Variants in SGK3 observed in about 807,000 individuals in gnomAD.
SGK3 encodes the protein serum/glucocorticoid regulated kinase family member 3.
In SGK3, 47 loss-of-function variants were observed where a neutral mutation model predicts 68.5. That is an observed-to-expected ratio of 0.69 (90% CI 0.54 to 0.87). SGK3 has a LOEUF of 0.87. SGK3 is among the 40% of genes least tolerant of loss of function. The pLI is 0.00. For missense variants in SGK3, 479 were observed against 575.5 expected (o/e 0.83, Z 1.72); for synonymous variants, 181 against 189.1 (o/e 0.96, Z 0.35).
intron 2 of SGK3, 70 bp from the exon 3 acceptor site, chr8:66,798,472 T>A: frequency 7.3e-7 from 1 of 1,372,604 alleles, no homozygotes; most frequent in African/African-American, 1.5e-5. Flanking sequence ...ACAGGTTTCA[T>A]GTATTTAAGT....
In SGK3 at chr8:66,793,175, C is replaced by T. The variant is rs916217665; in HGVS notation, c.-121-441C>T. ...GAGTCAGATGGCCTGGGTTCAAATCCGGGATGTACGAATTATTTCACCTCT... is the reference window on the plus strand; with the variant it reads ...GAGTCAGATGGCCTGGGTTCAAATCTGGGATGTACGAATTATTTCACCTCT... On this transcript the variant is annotated intron_variant, in intron 1 of 16. Coordinates refer to ENST00000521198, the MANE Select transcript of SGK3 (RefSeq NM_001033578.3). Among the ~76,000 whole-genome samples the T allele has an allele frequency of 7.2e-5, 11 of 152,096 alleles. No individual in the cohort carries two copies. The East Asian group carries it at 2.1e-3, about 29-fold the overall frequency.
chr8:66,858,363 G>A (rs1810610942), intron 16 of SGK3, among the ~76,000 whole-genome samples: 1 of 152,020 alleles, frequency 6.6e-6, no homozygotes, highest in Non-Finnish European at 1.5e-5. Context: ...CTACTCGGGA[G>A]GCTGAGGCAG....
In SGK3 at chr8:66,860,981, G is replaced by C. The variant is rs1810728781; in HGVS notation, c.*1400G>C. On this transcript the variant is annotated 3_prime_UTR_variant, in exon 17 of 17. Coordinates refer to ENST00000521198, the MANE Select transcript of SGK3 (RefSeq NM_001033578.3). ...CTACAAAAAATACAAAAATTAGCCA[G>C]ACATGGTGGCACATGCCTTTAGTCC... The C allele has an allele frequency of 6.6e-6, 1 of 152,086 alleles. No homozygotes were observed. Among genetic ancestry groups the C allele is most frequent in the African/African-American group, 2.4e-5 (1 of 41,412 alleles). 9.4% of individuals were successfully genotyped at this position (152,086 alleles called of 1,614,324 possible).
intron 1 of SGK3, among the ~76,000 whole-genome samples, chr8:66,784,813 A>AT (rs1275012207): frequency 1.3e-5 from 2 of 152,076 alleles, no homozygotes; most frequent in Non-Finnish European, 2.9e-5. Context: ...CCATATTGCT[A>AT]TTTTTTTACA....
intron 1 of SGK3, among the ~76,000 whole-genome samples, chr8:66,788,674 C>G (rs116194488): frequency 1.5e-3 from 236 of 152,282 alleles, no homozygotes; most frequent in African/African-American, 5.5e-3. Flanking sequence ...TTTGTTTTAC[C>G]TCTTTCTCAG....
chr8:66,776,590 C>T (rs753378721), intron 1 of SGK3, among the ~76,000 whole-genome samples: 1 of 152,188 alleles, frequency 6.6e-6, no homozygotes, highest in Non-Finnish European at 1.5e-5. Flanking sequence ...CAATAAATGG[C>T]AGAGCTTAGG....
At chr8:66,843,804 T>C (rs1294932175) in intron 14 of SGK3, among the ~76,000 whole-genome samples, 1 of 152,056 alleles carries the variant, frequency 6.6e-6, no homozygotes, top group Non-Finnish European at 1.5e-5. Flanking sequence ...GACCAGCCTA[T>C]GCAACGTGGC....
intron 1 of SGK3, among the ~76,000 whole-genome samples, chr8:66,743,259 A>G (rs1805534443): frequency 6.6e-6 from 1 of 152,234 alleles, no homozygotes; most frequent in Non-Finnish European, 1.5e-5. Context: ...AAGAGATAAT[A>G]TTGTTTCATG....
chr8:66,796,302 A>AATTTTTTGT (rs1563632170), intron 2 of SGK3, among the ~76,000 whole-genome samples: 1 of 112,854 alleles, frequency 8.9e-6, no homozygotes, highest in Non-Finnish European at 1.9e-5. Flanking sequence ...ACGCCCAGCT[A>AATTTTTTGT]ATTTTTTGTA....
rs560794837 is a variant in SGK3 at position 66,726,801 on chromosome 8, T to TAAAAAAAAAAAAAAAA, written c.-122+13975_-122+13990dup. 3.6e-4 allele frequency among the ~76,000 whole-genome samples: 29 copies of TAAAAAAAAAAAAAAAA among 80,976 alleles called. 2 individuals carry two copies. Among genetic ancestry groups the TAAAAAAAAAAAAAAAA allele is most frequent in the African/African-American group, 1.3e-3 (23 of 17,316 alleles). The allele number at this position is 80,976 out of a possible 152,430, so 53.1% of individuals were successfully genotyped here. ...GAATGACAGAGCAAGACCCTGTCTG[T>TAAAAAAAAAAAAAAAA]AAAAAAAAAAAAAAAAAAAAAAGAT... On this transcript the variant is annotated intron_variant, in intron 1 of 16. Transcript: ENST00000521198.
rs951792391 is a variant in SGK3, at chr8:66,861,291, C to G, written c.*1710C>G. The G allele has an allele frequency of 3.3e-5, 5 of 151,762 alleles. No homozygotes were observed. Among genetic ancestry groups the G allele is most frequent in the Admixed American group, 2.6e-4 (4 of 15,244 alleles). 9.4% of individuals were successfully genotyped at this position (151,762 alleles called of 1,614,324 possible). ...CTTAAAATTGTAACCTACCAACTAA[C>G]TTACATGCTTATAAAAGTAAAGGAG... On this transcript the variant is annotated 3_prime_UTR_variant, in exon 17 of 17. Transcript: ENST00000521198.
intron 1 of SGK3, among the ~76,000 whole-genome samples, chr8:66,755,625 G>A (rs991835513): frequency 6.6e-6 from 1 of 152,038 alleles, no homozygotes; most frequent in African/African-American, 2.4e-5. Flanking sequence ...CCCCCATTTT[G>A]TAACACCATA....
Position 66,719,320 on chromosome 8 carries a change from G to A in SGK3, c.-122+6487G>A, listed in dbSNP as rs184855753. 2.9e-3 allele frequency among the ~76,000 whole-genome samples: 429 copies of A among 150,144 alleles called. 3 individuals carry two copies. Among genetic ancestry groups the A allele is most frequent in the Non-Finnish European group, 4.5e-3 (303 of 67,558 alleles). On this transcript the variant is annotated intron_variant, in intron 1 of 16. Transcript: ENST00000521198. ...TGTTGTTTTGTTTTTTCTTTTATTTGTTTGTTTGTTTGTTTGTTTATCTTG... is the reference window on the plus strand; with the variant it reads ...TGTTGTTTTGTTTTTTCTTTTATTTATTTGTTTGTTTGTTTGTTTATCTTG...
chr8:66,782,318 G>A lies in SGK3; in HGVS notation c.-121-11298G>A, dbSNP rs190479974. Among the ~76,000 whole-genome samples, 12 of 150,794 alleles carry A rather than the reference G, an allele frequency of 8.0e-5. No homozygotes were observed. In the East Asian group the frequency reaches 2.1e-3, roughly 27 times the overall value. On this transcript the variant is annotated intron_variant, in intron 1 of 16. Transcript: ENST00000521198. The stretch of plus-strand genomic sequence containing the variant: ...TGCCACATATGTATGCCCAGGGTAT[G>A]TGTATGGCTTTTTTTTTTTAGACTT...
At chr8:66,845,704 A>T (rs1477080149) in intron 14 of SGK3, among the ~76,000 whole-genome samples, 1 of 144,288 alleles carries the variant, frequency 6.9e-6, no homozygotes, top group Middle Eastern at 3.5e-3. Flanking sequence ...TTATTTATTT[A>T]TTTATTTATT....
rs761867027 is a variant in SGK3, at chr8:66,835,798, T to G, written c.561T>G (p.Phe187Leu). 1 of 1,612,642 alleles carries G rather than the reference T, an allele frequency of 6.2e-7. No homozygotes were observed. Among genetic ancestry groups the G allele is most frequent in the Non-Finnish European group, 8.5e-7 (1 of 1,179,642 alleles). ...LLAKRKLDGK[F>L]YAVKVLQKKI... ...CAAAACGGAAACTGGATGGAAAATT[T>G]TATGCTGTCAAAGTGTTACAGAAAA... Residue 187 changes from phenylalanine to leucine, a missense_variant, in exon 9 of 17, where the codon TTT (phenylalanine) becomes TTG (leucine). By Grantham distance (22) the Phe-to-Leu change is conservative. Transcript: ENST00000521198.
intron 1 of SGK3, among the ~76,000 whole-genome samples, chr8:66,739,200 CAA>C (rs777575185): frequency 6.6e-6 from 1 of 152,116 alleles, no homozygotes; most frequent in Non-Finnish European, 1.5e-5. Flanking sequence ...TGGATTCTGA[CAA>C]GAGTTTTCTT....
At chr8:66,724,579 AAAAT>A (rs967372621) in intron 1 of SGK3, among the ~76,000 whole-genome samples, 8 of 152,184 alleles carry the variant, frequency 5.3e-5, no homozygotes, top group African/African-American at 1.7e-4. Flanking sequence ...CTGTCTCAAG[AAAAT>A]AAATAAAAAC....
intron 4 of SGK3, among the ~76,000 whole-genome samples, chr8:66,812,978 G>C (rs1808438999): frequency 6.6e-6 from 1 of 152,206 alleles, no homozygotes; most frequent in Non-Finnish European, 1.5e-5. Context: ...GACAGGCTGG[G>C]CACAATGGCT....
Sources: allele counts gnomAD v4.1 joint callset (sites outside exome capture counted in the v4.1 genomes callset), GRCh38; gene constraint gnomAD v4.1.1; transcripts MANE v1.5; gene names NCBI Gene and HGNC (gene_info 2026-07-23, HGNC 2026-07-21).